Variants in PODN observed in about 807,000 individuals in gnomAD.
PODN encodes podocan.
A neutral mutation model predicts 52.7 loss-of-function variants in PODN; 40 were observed. The ratio of observed to expected loss-of-function variants is 0.76; its 90% CI spans 0.59 to 0.99. PODN has a LOEUF of 0.99. PODN is among the 50% of genes least tolerant of loss of function. The probability of loss-of-function intolerance (pLI) is 0.00; values close to 1 mark genes in which losing one functional copy is unlikely to be tolerated. For synonymous variants in PODN, 396 were observed against 377.9 expected (o/e 1.05, Z -0.56); for missense variants, 720 against 815.1 (o/e 0.88, Z 1.42).
rs1395414737 is a variant in PODN, at chr1:53,078,021, T to C, written c.854+221T>C. On this transcript the variant is annotated intron_variant, in intron 7 of 10. Coordinates refer to ENST00000312553, the MANE Select transcript of PODN (RefSeq NM_153703.5). ...AAGATTCCAGTGAGGCAAAGAAGCG[T>C]TGGTGGAGGCTGGCTTCTTGGTGCG... Among the ~76,000 whole-genome samples the C allele has an allele frequency of 3.9e-5, 6 of 152,262 alleles. No homozygotes were observed. The East Asian group carries it at 7.7e-4, about 20-fold the overall frequency.
rs375380157 is a variant in PODN at position 53,076,452 on chromosome 1, C to T, written c.581+481C>T. 1.1e-3 allele frequency among the ~76,000 whole-genome samples: 164 copies of T among 152,244 alleles called. 3 individuals carry two copies. In the South Asian group the frequency reaches 0.032, roughly 30 times the overall value. On this transcript the variant is annotated intron_variant, in intron 5 of 10. Transcript: ENST00000312553. Reference sequence around the variant, plus strand: ...TCTGAGGACCCAGGACCACTGTACACGGCCCCATCCCACAGACAGAGGCTC... The same window carrying T: ...TCTGAGGACCCAGGACCACTGTACATGGCCCCATCCCACAGACAGAGGCTC...
intron 1 of PODN, among the ~76,000 whole-genome samples, chr1:53,067,652 C>T (rs1032971850): frequency 6.6e-6 from 1 of 152,146 alleles, no homozygotes; most frequent in Non-Finnish European, 1.5e-5. Context: ...CCAAGTGACT[C>T]ATGCCTGTAA....
chr1:53,074,604 A>C lies in PODN; in HGVS notation c.407-2A>C, dbSNP rs1429959969. 1 of 1,613,918 alleles carries C rather than the reference A, an allele frequency of 6.2e-7. No individual in the cohort carries two copies. Among genetic ancestry groups the C allele is most frequent in the Non-Finnish European group, 8.5e-7 (1 of 1,179,978 alleles). On this transcript the variant is annotated splice_acceptor_variant, in intron 3 of 10. Transcript: ENST00000312553. LOFTEE classifies it high-confidence loss of function. ...GCTCTGACCGATGCCTGTCCTTTGA[A>C]GGGCTCCCAGAGAAGGCGTTTGAGC...
At chr1:53,071,740 A>T in intron 3 of PODN, 112 bp downstream of exon 3, 1 of 1,091,850 alleles carries the variant, frequency 9.2e-7, no homozygotes, top group Non-Finnish European at 1.3e-6. Flanking sequence ...TGGGGTGTGG[A>T]TGGAAGAGAG....
At position 53,071,601 on chromosome 1, in the gene PODN, C is replaced by G. The variant is rs1458642015; in HGVS notation, c.379C>G (p.Leu127Val). Reference sequence around the variant, plus strand: ...GCTGCACCGGCTGGAGACGCTGAACCTGCAAAACAACCGCCTGACTTCCCG... The same window carrying G: ...GCTGCACCGGCTGGAGACGCTGAACGTGCAAAACAACCGCCTGACTTCCCG... ...SRLHRLETLN[L>V]QNNRLTSRGL... The change falls in exon 3 of 11, where the codon CTG becomes GTG. Residue 127 changes from leucine to valine, a missense_variant. Physicochemically the swap from Leu to Val is conservative, Grantham distance 32 (BLOSUM62 1). Coordinates refer to ENST00000312553, the MANE Select transcript of PODN (RefSeq NM_153703.5). The G allele has an allele frequency of 1.2e-6, 2 of 1,613,900 alleles. No homozygotes were observed. Among genetic ancestry groups the G allele is most frequent in the East Asian group, 4.5e-5 (2 of 44,878 alleles).
intron 2 of PODN, among the ~76,000 whole-genome samples, chr1:53,070,738 G>T (rs967730244): frequency 2.0e-5 from 3 of 152,244 alleles, no homozygotes; most frequent in African/African-American, 2.4e-5. Flanking sequence ...TCCCAGAGGC[G>T]ATCAGGCCTG....
At chr1:53,072,532 T>C (rs1205846577) in intron 3 of PODN, among the ~76,000 whole-genome samples, 1 of 152,120 alleles carries the variant, frequency 6.6e-6, no homozygotes, top group African/African-American at 2.4e-5. Flanking sequence ...ACATCCAACA[T>C]GTGAGATTCT....
At position 53,077,337 on chromosome 1, in the gene PODN, G is replaced by T. The variant is rs1458245314; in HGVS notation, c.729G>T (p.Leu243=). 2 of 1,612,980 alleles carry T rather than the reference G, an allele frequency of 1.2e-6. No homozygotes were observed. The highest frequency in any genetic ancestry group is 2.7e-5 in the African/African-American group (2 of 74,956). The change falls in exon 6 of 11, where the codon CTG becomes CTT. Residue 243 remains leucine (L), a synonymous_variant. Transcript: ENST00000312553. The part of the protein sequence containing the change: ...PKHLPPALYK[L]HLKNNKLEKI... The stretch of plus-strand genomic sequence containing the variant: ...ACCTGCCGCCTGCCCTGTACAAGCT[G>T]CACCTCAAGGTGGGCAGGGGAGGGG...
chr1:53,069,948 C>T lies in PODN; in HGVS notation c.93C>T (p.Gly31=), dbSNP rs1479773250. The T allele has an allele frequency of 1.9e-5, 31 of 1,596,288 alleles. No homozygotes were observed. Among genetic ancestry groups the T allele is most frequent in the Non-Finnish European group, 2.6e-5 (31 of 1,172,064 alleles). Residue 31 remains glycine, a synonymous_variant, in exon 2 of 11, where the codon GGC becomes GGT. Coordinates refer to ENST00000312553, the MANE Select transcript of PODN (RefSeq NM_153703.5). The part of the protein sequence containing the change: ...PVLAVRAPGF[G]RSGGHSLSPE... Reference sequence around the variant, plus strand: ...TTGCCGTGAGGGCCCCAGGATTTGGCCGAAGTGGCGGCCACAGCCTGAGCC... The same window carrying T: ...TTGCCGTGAGGGCCCCAGGATTTGGTCGAAGTGGCGGCCACAGCCTGAGCC...
chr1:53,079,077 C>T, intron 8 of PODN, 55 bp downstream of exon 8: 1 of 1,455,854 alleles, frequency 6.9e-7, no homozygotes, highest in African/African-American at 1.4e-5. Context: ...ACTGGCATGG[C>T]TGCCCTGAGC....
At position 53,077,790 on chromosome 1, in the gene PODN, GA is replaced by G; in HGVS notation, c.845del (p.Glu282GlyfsTer48). The G allele has an allele frequency of 6.2e-7, 1 of 1,613,306 alleles. No homozygotes were observed. Among genetic ancestry groups the G allele is most frequent in the Non-Finnish European group, 8.5e-7 (1 of 1,179,884 alleles). ...CCTGACTGACGAGGGCCTGGACAACGAGACCTTCTGGTGAGTCCTTGTCTCA... is the reference window on the plus strand; with the variant it reads ...CCTGACTGACGAGGGCCTGGACAACGGACCTTCTGGTGAGTCCTTGTCTCA... ...NYLTDEGLDN[E>X]TFWKLSSLEY... is the part of the protein sequence containing the mutation. On this transcript the variant is annotated frameshift_variant, in exon 7 of 11. Coordinates refer to ENST00000312553, the MANE Select transcript of PODN (RefSeq NM_153703.5). LOFTEE classifies it high-confidence loss of function.
intron 5 of PODN, among the ~76,000 whole-genome samples, chr1:53,076,284 C>A (rs1188212483): frequency 6.6e-6 from 1 of 152,232 alleles, no homozygotes; most frequent in Non-Finnish European, 1.5e-5. Flanking sequence ...CAACCGCCCC[C>A]CAGCATAGGT....
chr1:53,076,326 G>T (rs1028832537), intron 5 of PODN, among the ~76,000 whole-genome samples: 1 of 152,228 alleles, frequency 6.6e-6, no homozygotes, highest in Non-Finnish European at 1.5e-5. Flanking sequence ...CAGGCGGGGT[G>T]GGGGGCTGCC....
At chr1:53,080,071 C>T (rs1015119066) in intron 8 of PODN, among the ~76,000 whole-genome samples, 13 of 151,606 alleles carry the variant, frequency 8.6e-5, no homozygotes, top group Non-Finnish European at 1.3e-4. Context: ...CCAGTTTAGG[C>T]ACTGCCCAGT....
Position 53,070,165 on chromosome 1 carries a change from C to A in PODN, c.310C>A (p.Gln104Lys), listed in dbSNP as rs1203954028. Residue 104 changes from glutamine (Q) to lysine (K), a missense_variant and splice_region_variant, in exon 2 of 11, where the codon CAG (glutamine) becomes AAG (lysine). Coordinates refer to ENST00000312553, the MANE Select transcript of PODN (RefSeq NM_153703.5). ...TGAGCACACCAACCACCTATCTCTG[C>A]AGGTGAGGTCGGCGTTGCACCTGTG... is the stretch of plus-strand genomic sequence containing the variant. The part of the protein sequence containing the change: ...LPEHTNHLSL[Q>K]NNQLEKIYPE... The A allele has an allele frequency of 6.2e-7, 1 of 1,606,618 alleles. No homozygotes were observed. Among genetic ancestry groups the A allele is most frequent in the Non-Finnish European group, 8.5e-7 (1 of 1,179,914 alleles).
Position 53,081,992 on chromosome 1 carries a change from T to C in PODN, c.1673T>C (p.Leu558Pro). Residue 558 changes from leucine to proline, a missense_variant, in exon 10 of 11, where the codon CTG (leucine) becomes CCG (proline). By Grantham distance (98) the Leu-to-Pro change is moderately conservative. Transcript: ENST00000312553. ...CGATGCTCACACAGGTTTAACAAGC[T>C]GGCTGTGGGCTCCGTGGTGGACAGT... ...LKGIFLRFNK[L>P]AVGSVVDSAF... 1 of 1,601,302 alleles carries C rather than the reference T, an allele frequency of 6.2e-7. No individual in the cohort carries two copies. The highest frequency in any genetic ancestry group is 8.5e-7 in the Non-Finnish European group (1 of 1,172,650).
rs200406467 is a variant in PODN at position 53,081,967 on chromosome 1, C to T, written c.1662-14C>T. 2.4e-5 allele frequency: 38 copies of T among 1,577,630 alleles called. No homozygotes were observed. The highest frequency in any genetic ancestry group is 3.5e-5 in the Admixed American group (2 of 57,062). On this transcript the variant is annotated splice_polypyrimidine_tract_variant and intron_variant, in intron 9 of 10. Transcript: ENST00000312553. ...GTTGGGCTCCTGGCATTGACTGCCTCGATGCTCACACAGGTTTAACAAGCT... is the reference window on the plus strand; with the variant it reads ...GTTGGGCTCCTGGCATTGACTGCCTTGATGCTCACACAGGTTTAACAAGCT...
At chr1:53,077,540 G>T in intron 6 of PODN, 145 bp from the exon 7 acceptor site, 1 of 1,135,750 alleles carries the variant, frequency 8.8e-7, no homozygotes, top group Admixed American at 2.3e-5. Flanking sequence ...GTTGTGTGTG[G>T]CGTTGGTGGC....
At chr1:53,072,464 G>C (rs1290387693) in intron 3 of PODN, among the ~76,000 whole-genome samples, 18 of 152,178 alleles carry the variant, frequency 1.2e-4, no homozygotes. Context: ...GAGCCAACCA[G>C]TCCACAAGAC....
Sources: allele counts gnomAD v4.1 joint callset (sites outside exome capture counted in the v4.1 genomes callset), GRCh38; gene constraint gnomAD v4.1.1; transcripts MANE v1.5; gene names NCBI Gene and HGNC (gene_info 2026-07-23, HGNC 2026-07-21).